The following PDE4D variants were observed in gnomAD, a reference collection of about 807,000 sequenced individuals.
The protein encoded by PDE4D is phosphodiesterase 4D, also known as 3',5'-cyclic-AMP phosphodiesterase 4D.
Under a neutral mutation model 87.4 loss-of-function variants are expected in PDE4D, and 24 were observed. The ratio of observed to expected loss-of-function variants is 0.27; its 90% confidence interval spans 0.20 to 0.39. The LOEUF (loss-of-function observed/expected upper bound fraction) is 0.39. Ranked by LOEUF, PDE4D falls within the 10% of genes least tolerant of loss-of-function variation. The probability of loss-of-function intolerance (pLI) is 1.00; values close to 1 mark genes in which losing one functional copy is unlikely to be tolerated. For missense variants in PDE4D, 714 were observed against 1,041.0 expected (o/e 0.69, Z 4.32); for synonymous variants, 384 against 383.2 (o/e 1.00, Z -0.02).
chr5:59,612,606 T>C (rs539289594), intron 1 of PDE4D, among the ~76,000 whole-genome samples: 3 of 152,108 alleles, frequency 2.0e-5, no homozygotes, highest in African/African-American at 7.2e-5. Context: ...TATATAAGGA[T>C]TATATGATAA....
rs1476822391 is a variant in PDE4D at position 58,969,974 on chromosome 5, CTTTCA to C, written c.*4685_*4689del. ...AGTACTAACTTATGATGTCACTATC[CTTTCA>C]TTTCAACCACGTTCAGTATCCTAAG... On this transcript the variant is annotated 3_prime_UTR_variant, in exon 15 of 15. Transcript: ENST00000340635. 1 of 152,094 alleles carries C rather than the reference CTTTCA, an allele frequency of 6.6e-6. No individual in the cohort carries two copies. The highest frequency in any genetic ancestry group is 1.5e-5 in the Non-Finnish European group (1 of 68,014). 9.4% of individuals were successfully genotyped at this position (152,094 alleles called of 1,614,324 possible).
chr5:59,173,891 G>T (rs1394544047), intron 5 of PDE4D, among the ~76,000 whole-genome samples: 1 of 151,866 alleles, frequency 6.6e-6, no homozygotes, highest in Non-Finnish European at 1.5e-5. Flanking sequence ...TTCTTTATAT[G>T]GTTCTTGCTC....
intron 5 of PDE4D, chr5:59,157,441 T>C: frequency 1.4e-6 from 1 of 693,124 alleles, no homozygotes; most frequent in African/African-American, 1.8e-5. Context: ...GGATAAGAGT[T>C]ACTATTGTAA....
intron 1 of PDE4D, among the ~76,000 whole-genome samples, chr5:60,301,354 G>C (rs1324928016): frequency 1.3e-5 from 2 of 152,182 alleles, no homozygotes; most frequent in Admixed American, 6.5e-5. Context: ...AGCATGAAAT[G>C]TTGTTCCATT....
intron 1 of PDE4D, among the ~76,000 whole-genome samples, chr5:59,229,829 G>C (rs1217849924): frequency 6.6e-6 from 1 of 152,126 alleles, no homozygotes; most frequent in Non-Finnish European, 1.5e-5. Context: ...ATGGAGTTTT[G>C]CTCTTGTTGT....
chr5:59,010,316 C>G (rs931302567), intron 6 of PDE4D, among the ~76,000 whole-genome samples: 13 of 151,926 alleles, frequency 8.6e-5, no homozygotes, highest in Admixed American at 6.6e-4. Context: ...GACAGAGATT[C>G]TGTCTCCAAA....
chr5:60,464,951 G>T (rs1237197613), intron 1 of PDE4D, among the ~76,000 whole-genome samples: 3 of 151,454 alleles, frequency 2.0e-5, no homozygotes, highest in Non-Finnish European at 4.4e-5. Context: ...ACTTTTTTTT[G>T]TTTTTTCATT....
intron 1 of PDE4D, among the ~76,000 whole-genome samples, chr5:59,216,281 A>G (rs1018450197): frequency 6.6e-6 from 1 of 152,200 alleles, no homozygotes; most frequent in Admixed American, 6.6e-5. Flanking sequence ...CTTTCGGAAA[A>G]TAACAAATAC....
chr5:59,930,594 C>G (rs1037953170), intron 3 of PDE4D, among the ~76,000 whole-genome samples: 2 of 152,110 alleles, frequency 1.3e-5, no homozygotes, highest in African/African-American at 4.8e-5. Flanking sequence ...TTTAAACCAC[C>G]CAGCTTACAG....
chr5:60,457,367 C>T (rs533102533), intron 1 of PDE4D, among the ~76,000 whole-genome samples: 1 of 152,222 alleles, frequency 6.6e-6, no homozygotes, highest in East Asian at 1.9e-4. Flanking sequence ...GAAGGCTTGG[C>T]CTGAATAGTA....
intron 2 of PDE4D, among the ~76,000 whole-genome samples, chr5:60,124,113 G>A (rs1466669259): frequency 6.6e-6 from 1 of 152,004 alleles, no homozygotes; most frequent in Non-Finnish European, 1.5e-5. Context: ...GGTCTGATTG[G>A]CCCTAGTCTA....
chr5:59,354,534 A>G (rs1781044074), intron 1 of PDE4D, among the ~76,000 whole-genome samples: 1 of 152,160 alleles, frequency 6.6e-6, no homozygotes, highest in East Asian at 1.9e-4. Context: ...AGAGTGACTC[A>G]TGGTGCATTT....
chr5:60,340,609 A>T (rs1005160541), intron 1 of PDE4D, among the ~76,000 whole-genome samples: 4 of 588 alleles, frequency 6.8e-3, no homozygotes, highest in African/African-American at 0.017. Context: ...ACATCATTTA[A>T]AAAAAAAAAA....
intron 5 of PDE4D, among the ~76,000 whole-genome samples, chr5:59,129,883 G>A (rs988153505): frequency 3.3e-5 from 5 of 152,082 alleles, no homozygotes; most frequent in African/African-American, 1.2e-4. Context: ...ACCCTACCTT[G>A]CAGGGTTATT....
chr5:60,253,577 T>C (rs1748718874), intron 1 of PDE4D, among the ~76,000 whole-genome samples: 1 of 151,796 alleles, frequency 6.6e-6, no homozygotes, highest in South Asian at 2.1e-4. Context: ...AGCTATTTTA[T>C]GAGAAAGGAA....
chr5:59,981,817 G>A (rs1244204657), intron 3 of PDE4D, among the ~76,000 whole-genome samples: 3 of 152,146 alleles, frequency 2.0e-5, no homozygotes, highest in Non-Finnish European at 4.4e-5. Context: ...AAATTTGAAA[G>A]ATCAGATGTG....
At chr5:60,167,844 T>TCTGTC (rs551093678) in intron 2 of PDE4D, among the ~76,000 whole-genome samples, 180 of 152,358 alleles carry the variant, frequency 1.2e-3, no homozygotes, top group African/African-American at 4.1e-3. Flanking sequence ...GGTGCTTTAT[T>TCTGTC]CTGTCCATTT....
rs570554224 is a variant in PDE4D, at chr5:59,725,160, C to CG, written c.455+168007dup. ...GCTTTACCTTTCCTTCTGGTTTGCC[C>CG]GGGGGGGATAAATACCCACTTGTAC... On this transcript the variant is annotated intron_variant, in intron 1 of 14. Transcript: ENST00000340635. Among the ~76,000 whole-genome samples the CG allele has an allele frequency of 4.2e-3, 640 of 152,000 alleles. 6 individuals are homozygous for CG. The highest frequency in any genetic ancestry group is 0.013 in the African/African-American group (558 of 41,480).
At chr5:59,739,356 G>T (rs911339071) in intron 1 of PDE4D, among the ~76,000 whole-genome samples, 2 of 152,054 alleles carry the variant, frequency 1.3e-5, no homozygotes, top group Non-Finnish European at 2.9e-5. Flanking sequence ...AAAGGCAGAG[G>T]TTGCAATGAG....
Sources: gnomAD v4.1 joint callset for allele counts (sites outside exome capture counted in the v4.1 genomes callset) on GRCh38, gnomAD v4.1.1 for gene constraint, MANE v1.5 for transcripts, NCBI Gene and HGNC (gene_info 2026-07-23, HGNC 2026-07-21) for gene names.